XKR6: variants seen among roughly 807,000 people sequenced by gnomAD.
XKR6 encodes the protein XK related 6.
A neutral mutation model predicts 56.7 loss-of-function variants in XKR6; 22 were observed. The observed-to-expected ratio is 0.39, with a 90% CI of 0.28 to 0.55. The LOEUF (loss-of-function observed/expected upper bound fraction) is 0.55, where lower values mean the gene tolerates loss of function less well. XKR6 is among the 20% of genes least tolerant of loss of function. The pLI is 0.66. For missense variants in XKR6, 852 were observed against 889.0 expected (o/e 0.96, Z 0.53); for synonymous variants, 524 against 387.8 (o/e 1.35, Z -4.13).
At chr8:11,025,139 T>C (rs959801988) in intron 1 of XKR6, among the ~76,000 whole-genome samples, 1 of 152,212 alleles carries the variant, frequency 6.6e-6, no homozygotes, top group African/African-American at 2.4e-5. Context: ...TTTCATCATA[T>C]GTTCAAATGC....
intron 1 of XKR6, among the ~76,000 whole-genome samples, chr8:11,106,908 A>C (rs1798700080): frequency 6.7e-6 from 1 of 149,932 alleles, no homozygotes; most frequent in Non-Finnish European, 1.5e-5. Context: ...GGCAAACCTT[A>C]GACAACCCAG....
chr8:11,167,779 T>C (rs1169156791), intron 1 of XKR6, among the ~76,000 whole-genome samples: 1 of 151,996 alleles, frequency 6.6e-6, no homozygotes, highest in Non-Finnish European at 1.5e-5. Context: ...GTATTTTTGT[T>C]TGTTTATTTG....
intron 1 of XKR6, among the ~76,000 whole-genome samples, chr8:11,102,551 T>A (rs961935888): frequency 6.6e-6 from 1 of 152,070 alleles, no homozygotes; most frequent in African/African-American, 2.4e-5. Context: ...ACACCAATTG[T>A]TGAGAAATGT....
chr8:11,124,007 T>G (rs1224739384), intron 1 of XKR6: 1 of 456,166 alleles, frequency 2.2e-6, no homozygotes, highest in Admixed American at 2.3e-5. Flanking sequence ...AAAACAGTCC[T>G]GTCTCTTCAT....
chr8:10,969,234 T>A (rs531152654), intron 1 of XKR6, among the ~76,000 whole-genome samples: 1 of 152,242 alleles, frequency 6.6e-6, no homozygotes, highest in South Asian at 2.1e-4. Flanking sequence ...AACTCCAACT[T>A]AGATGCATGG....
chr8:11,196,515 T>G (rs1202567176), intron 1 of XKR6, among the ~76,000 whole-genome samples: 1 of 152,204 alleles, frequency 6.6e-6, no homozygotes. Flanking sequence ...CCTGAGGTAC[T>G]TTTAGACACT....
At chr8:11,107,936 G>A (rs1344046003) in intron 1 of XKR6, 3 of 267,232 alleles carry the variant, frequency 1.1e-5, no homozygotes, top group African/African-American at 4.6e-5. Context: ...CCGCATGTGC[G>A]GCGGCACCAC....
At chr8:11,020,788 T>A (rs1340151428) in intron 1 of XKR6, among the ~76,000 whole-genome samples, 1 of 152,218 alleles carries the variant, frequency 6.6e-6, no homozygotes, top group Non-Finnish European at 1.5e-5. Context: ...TGCTTCCCCC[T>A]AAACTTGCTG....
intron 1 of XKR6, among the ~76,000 whole-genome samples, chr8:11,097,670 G>A (rs998171454): frequency 2.0e-5 from 3 of 151,744 alleles, no homozygotes; most frequent in Admixed American, 2.0e-4. Flanking sequence ...AGCCGGGCGT[G>A]GTGGTGCACA....
At chr8:10,964,874 G>C (rs1413786044) in intron 1 of XKR6, among the ~76,000 whole-genome samples, 2 of 152,244 alleles carry the variant, frequency 1.3e-5, no homozygotes, top group African/African-American at 2.4e-5. Flanking sequence ...GCCCACGTCT[G>C]TGAGAACTGC....
chr8:11,077,751 G>A (rs1800311786), intron 1 of XKR6, among the ~76,000 whole-genome samples: 1 of 152,130 alleles, frequency 6.6e-6, no homozygotes, highest in Admixed American at 6.5e-5. Flanking sequence ...CCAGCTGCAA[G>A]AATGCATCTG....
chr8:10,929,519 A>G (rs1016999668), intron 1 of XKR6, among the ~76,000 whole-genome samples: 7 of 152,290 alleles, frequency 4.6e-5, no homozygotes, highest in Non-Finnish European at 1.5e-5. Flanking sequence ...GTGTCTCCTT[A>G]CTTCTGAACT....
At chr8:10,911,304 G>A (rs1270410359) in intron 2 of XKR6, among the ~76,000 whole-genome samples, 1 of 144,270 alleles carries the variant, frequency 6.9e-6, no homozygotes, top group Non-Finnish European at 1.5e-5. Flanking sequence ...ATATATATGT[G>A]TAGAGAGAGA....
At chr8:10,953,698 A>G (rs1010922107) in intron 1 of XKR6, among the ~76,000 whole-genome samples, 6 of 152,162 alleles carry the variant, frequency 3.9e-5, no homozygotes, top group African/African-American at 1.2e-4. Context: ...CCCCTTTAAG[A>G]TGTATAATTC....
intron 1 of XKR6, among the ~76,000 whole-genome samples, chr8:10,937,363 A>G: frequency 1.3e-5 from 2 of 148,540 alleles, no homozygotes; most frequent in Non-Finnish European, 3.0e-5. Context: ...CCCGTAGCTC[A>G]GAGTAATTTG....
chr8:11,012,900 C>T (rs1225341471), intron 1 of XKR6, among the ~76,000 whole-genome samples: 4 of 152,210 alleles, frequency 2.6e-5, no homozygotes, highest in African/African-American at 9.7e-5. Context: ...CAATGCCTTG[C>T]TGACATCCCA....
At chr8:11,148,566 A>C (rs1227184081) in intron 1 of XKR6, among the ~76,000 whole-genome samples, 4 of 152,258 alleles carry the variant, frequency 2.6e-5, no homozygotes. Flanking sequence ...TGCAATTCTC[A>C]GACTGCTGAT....
In XKR6 at chr8:10,995,942, G is replaced by A. The variant is rs191517362; in HGVS notation, c.765-71112C>T. Among the ~76,000 whole-genome samples, 498 of 152,298 alleles carry A rather than the reference G, an allele frequency of 3.3e-3. 1 individual carries two copies. The highest frequency in any genetic ancestry group is 0.01 in the Middle Eastern group (3 of 294). On this transcript the variant is annotated intron_variant, in intron 1 of 2. Transcript: ENST00000416569. Reference sequence around the variant, plus strand: ...TGGCTTGCAACTTATACTGGCCCATGACCTTGGGCAAGCCACCTCTTGTTG... The same window carrying A: ...TGGCTTGCAACTTATACTGGCCCATAACCTTGGGCAAGCCACCTCTTGTTG...
chr8:10,977,412 C>A (rs917324948), intron 1 of XKR6, among the ~76,000 whole-genome samples: 1 of 151,778 alleles, frequency 6.6e-6, no homozygotes, highest in African/African-American at 2.4e-5. Context: ...AGAGATGAGA[C>A]TCTCTAATAA....
Sources: allele counts gnomAD v4.1 joint callset (sites outside exome capture counted in the v4.1 genomes callset), GRCh38; gene constraint gnomAD v4.1.1; transcripts MANE v1.5; gene names NCBI Gene and HGNC (gene_info 2026-07-23, HGNC 2026-07-21).